The following ARHGAP29 variants were observed in gnomAD, a reference collection of about 807,000 sequenced individuals.
ARHGAP29 encodes the protein rho GTPase-activating protein 29.
Under a neutral mutation model 122.6 loss-of-function variants are expected in ARHGAP29, and 43 were observed. That is an observed-to-expected ratio of 0.35 (90% CI 0.27 to 0.45). The LOEUF is 0.45. Ranked by LOEUF, ARHGAP29 falls within the 20% of genes least tolerant of loss-of-function variation. The pLI is 1.00. For synonymous variants in ARHGAP29, 506 were observed against 497.1 expected (o/e 1.02, Z -0.24); for missense variants, 1,303 against 1,477.2 (o/e 0.88, Z 1.93).
chr1:94,243,904 T>C (rs550383793), intron 1 of ARHGAP29, among the ~76,000 whole-genome samples: 10 of 62,292 alleles, frequency 1.6e-4, no homozygotes, highest in African/African-American at 5.1e-4. Context: ...ACAAAAAACT[T>C]TGCCAATAAA....
intron 1 of ARHGAP29, among the ~76,000 whole-genome samples, chr1:94,254,629 A>C (rs926766531): frequency 6.6e-6 from 1 of 152,200 alleles, no homozygotes; most frequent in Admixed American, 6.5e-5. Flanking sequence ...AAAATGACTA[A>C]AAGGTAAAAC....
Position 94,234,955 on chromosome 1 carries a change from A to G in ARHGAP29, c.-33+2460T>C, listed in dbSNP as rs138097261. Among the ~76,000 whole-genome samples, 3 of 152,334 alleles carry G rather than the reference A, an allele frequency of 2.0e-5. No individual in the cohort carries two copies. In the East Asian group the frequency reaches 5.8e-4, roughly 29 times the overall value. ...GAAATAATTTACTTTAAGTAACTAC[A>G]TGTAAAATAGTAACCCAAACTTTCA... On this transcript the variant is annotated intron_variant, in intron 1 of 22. Coordinates refer to ENST00000260526, the MANE Select transcript of ARHGAP29 (RefSeq NM_004815.4).
rs1270802769 is a variant in ARHGAP29 at position 94,174,675 on chromosome 1, G to A, written c.2980C>T (p.Pro994Ser). 2 of 1,614,088 alleles carry A rather than the reference G, an allele frequency of 1.2e-6. No individual in the cohort carries two copies. Among genetic ancestry groups the A allele is most frequent in the South Asian group, 1.1e-5 (1 of 91,080 alleles). Reference protein sequence around the residue: ...QKIEDGKTPKPLSLKSDRSTN... With the variant: ...QKIEDGKTPKSLSLKSDRSTN... ...GACCTATCAGATTTCAGAGAAAGTG[G>A]CTTAGGGGTTTTACCATCTTCTATC... is the stretch of plus-strand genomic sequence containing the variant. Residue 994 changes from proline (P) to serine (S), a missense_variant, in exon 23 of 23, where the codon CCA (proline) becomes TCA (serine). By Grantham distance (74) the Pro-to-Ser change is moderately conservative. Transcript: ENST00000260526.
chr1:94,176,273 G>A (rs1407258766), intron 22 of ARHGAP29, among the ~76,000 whole-genome samples: 1 of 152,126 alleles, frequency 6.6e-6, no homozygotes. Context: ...GTGTATCTAT[G>A]TTGCTGTGTG....
intron 3 of ARHGAP29, 56 bp from the exon 4 acceptor site, chr1:94,209,406 C>T: frequency 2.8e-6 from 3 of 1,088,814 alleles, no homozygotes; most frequent in South Asian, 3.0e-5. Context: ...TAGATTTATA[C>T]AGAATCATTT....
chr1:94,195,041 G>A (rs1250413968), intron 12 of ARHGAP29: 2 of 152,150 alleles, frequency 1.3e-5, no homozygotes, highest in Admixed American at 1.3e-4. Context: ...GATAATTAGA[G>A]GGAGATTTTC....
upstream of ARHGAP29, among the ~76,000 whole-genome samples, chr1:94,279,611 G>A (rs556743271): frequency 7.2e-5 from 11 of 152,324 alleles, no homozygotes; most frequent in East Asian, 2.1e-3. Flanking sequence ...GCCTGAGTAG[G>A]CCTTTAGCCC....
At position 94,169,382 on chromosome 1, in the gene ARHGAP29, A is replaced by G. The variant is rs751055974; in HGVS notation, c.*4487T>C. ...TGCTATGACTGCGGATTTATTTGGC[A>G]TATTTGGGACTGGGTGTGATGAGAC... On this transcript the variant is annotated 3_prime_UTR_variant, in exon 23 of 23. Transcript: ENST00000260526. Among the ~76,000 whole-genome samples, 3 of 152,084 alleles carry G rather than the reference A, an allele frequency of 2.0e-5. No individual in the cohort carries two copies. Among genetic ancestry groups the G allele is most frequent in the Non-Finnish European group, 2.9e-5 (2 of 68,016 alleles).
intron 1 of ARHGAP29, among the ~76,000 whole-genome samples, chr1:94,268,239 A>T (rs917113042): frequency 6.6e-6 from 1 of 152,184 alleles, no homozygotes; most frequent in Non-Finnish European, 1.5e-5. Context: ...GTTTTCAAAG[A>T]TATCCGCTTT....
chr1:94,223,819 TC>T (rs1205242348), intron 2 of ARHGAP29, among the ~76,000 whole-genome samples: 1 of 152,032 alleles, frequency 6.6e-6, no homozygotes, highest in African/African-American at 2.4e-5. Context: ...TTTTTTTTTT[TC>T]TTTTTGAGTT....
In ARHGAP29 at chr1:94,169,354, C is replaced by T. The variant is rs1022678157; in HGVS notation, c.*4515G>A. ...TAGGGATTGGTGTGGTCAGGACCAG[C>T]GCTGCTATGACTGCGGATTTATTTG... On this transcript the variant is annotated 3_prime_UTR_variant, in exon 23 of 23. Transcript: ENST00000260526. Among the ~76,000 whole-genome samples, 2 of 152,034 alleles carry T rather than the reference C, an allele frequency of 1.3e-5. No individual in the cohort carries two copies. Among genetic ancestry groups the T allele is most frequent in the South Asian group, 2.1e-4 (1 of 4,818 alleles).
At chr1:94,270,102 A>G (rs182049793) in intron 1 of ARHGAP29, among the ~76,000 whole-genome samples, 3 of 152,340 alleles carry the variant, frequency 2.0e-5, no homozygotes, top group African/African-American at 7.2e-5. Flanking sequence ...ACACTATGAC[A>G]TTGATAAATT....
At chr1:94,244,436 T>A in intron 1 of ARHGAP29, among the ~76,000 whole-genome samples, 1 of 151,912 alleles carries the variant, frequency 6.6e-6, no homozygotes. Flanking sequence ...CATTCATGAT[T>A]AAAACAGTCA....
At chr1:94,247,373 G>C (rs1029067018) in intron 1 of ARHGAP29, among the ~76,000 whole-genome samples, 8 of 151,910 alleles carry the variant, frequency 5.3e-5, no homozygotes, top group Admixed American at 5.2e-4. Flanking sequence ...ACAACTCAGA[G>C]CGCGCACCCG....
Position 94,266,198 on chromosome 1 carries a change from G to A in ARHGAP29, c.-33+8814C>T, listed in dbSNP as rs552716853. On this transcript the variant is annotated intron_variant and NMD_transcript_variant, in intron 1 of 25. Coordinates refer to the ARHGAP29 transcript ENST00000552844. ...GAAAATAGAAAATGACAGGCAAATG[G>A]ACTGGCATGTCCAGAGCAGTGAGTC... Among the ~76,000 whole-genome samples, 12 of 152,268 alleles carry A rather than the reference G, an allele frequency of 7.9e-5. No individual in the cohort carries two copies. In the East Asian group the frequency reaches 2.3e-3, roughly 29 times the overall value.
rs1372078120 is a variant in ARHGAP29 at position 94,181,461 on chromosome 1, T to G, written c.2248-1504A>C. Among the ~76,000 whole-genome samples the G allele has an allele frequency of 2.0e-5, 3 of 152,206 alleles. No homozygotes were observed. In the East Asian group the frequency reaches 5.8e-4, roughly 29 times the overall value. ...AGTGGACTACACATGCCATTCTAAA[T>G]GTAGAGATCCTGTGGCCTTCTTAGC... is the stretch of plus-strand genomic sequence containing the variant. On this transcript the variant is annotated intron_variant, in intron 19 of 22. Transcript: ENST00000260526.
rs1428653129 is a variant in ARHGAP29 at position 94,171,991 on chromosome 1, TA to T, written c.*1877del. The T allele has an allele frequency of 6.6e-6, 1 of 152,216 alleles. No homozygotes were observed. Among genetic ancestry groups the T allele is most frequent in the African/African-American group, 2.4e-5 (1 of 41,460 alleles). The allele number at this position is 152,216 out of a possible 1,614,324, so 9.4% of individuals were successfully genotyped here. A position where few individuals can be genotyped will look rare whatever the true frequency, so the allele number is the denominator to read the frequency against. On this transcript the variant is annotated 3_prime_UTR_variant, in exon 23 of 23. Transcript: ENST00000260526. ...GTTCAAACAATATACTTAAAAATGG[TA>T]AATGTTATGTGTATTTTACCACAAT...
At chr1:94,182,618 C>CA (rs1649548758) in intron 19 of ARHGAP29, among the ~76,000 whole-genome samples, 3 of 151,450 alleles carry the variant, frequency 2.0e-5, no homozygotes, top group South Asian at 2.1e-4. Flanking sequence ...TCAAAGAGAA[C>CA]AAAAAAAACA....
At chr1:94,313,429 C>T in the ARHGAP29 span, among the ~76,000 whole-genome samples, 1 of 152,144 alleles carries the variant, frequency 6.6e-6, no homozygotes, top group Non-Finnish European at 1.5e-5. Flanking sequence ...TAAAGTGTAT[C>T]TCCCCCCATC....
Sources: gnomAD v4.1 joint callset for allele counts (sites outside exome capture counted in the v4.1 genomes callset) on GRCh38, gnomAD v4.1.1 for gene constraint, MANE v1.5 for transcripts, NCBI Gene and HGNC (gene_info 2026-07-23, HGNC 2026-07-21) for gene names.